SLC7A1: variants seen among roughly 807,000 people sequenced by gnomAD.
SLC7A1 encodes the protein solute carrier family 7 member 1.
A neutral mutation model predicts 53.9 loss-of-function variants in SLC7A1; 10 were observed. The observed-to-expected ratio is 0.19, with a 90% CI of 0.11 to 0.31. The LOEUF is 0.31. Ranked by LOEUF, SLC7A1 falls within the 10% of genes least tolerant of loss-of-function variation. The pLI, the probability that SLC7A1 is intolerant of heterozygous loss-of-function variation, is 1.00. For synonymous variants in SLC7A1, 342 were observed against 338.7 expected (o/e 1.01, Z -0.11); for missense variants, 525 against 827.2 (o/e 0.63, Z 4.48).
intron 2 of SLC7A1, among the ~76,000 whole-genome samples, chr13:29,552,027 A>C (rs1238693176): frequency 6.6e-6 from 1 of 152,166 alleles, no homozygotes; most frequent in Non-Finnish European, 1.5e-5. Flanking sequence ...AGGCTGCTCA[A>C]AGTTGCTTAC....
At chr13:29,563,069 C>T (rs1870827665) in intron 1 of SLC7A1, among the ~76,000 whole-genome samples, 1 of 152,180 alleles carries the variant, frequency 6.6e-6, no homozygotes, top group South Asian at 2.1e-4. Flanking sequence ...ATGATGGCTC[C>T]AAAAGGGGCA....
intron 8 of SLC7A1, 143 bp downstream of exon 8, chr13:29,522,174 G>GA (rs1868657228): frequency 3.4e-6 from 3 of 869,944 alleles, no homozygotes; most frequent in African/African-American, 1.7e-5. Context: ...AACTTTCAAT[G>GA]AACCAGGCTC....
At chr13:29,527,620 T>C (rs1008733906) in intron 5 of SLC7A1, among the ~76,000 whole-genome samples, 4 of 152,050 alleles carry the variant, frequency 2.6e-5, no homozygotes, top group Non-Finnish European at 4.4e-5. Context: ...AAAGTGAGCT[T>C]GAGTCCTGGT....
intron 5 of SLC7A1, among the ~76,000 whole-genome samples, chr13:29,529,523 G>GAGCTGGGTCATGCTCGTGCCTACAGCC (rs1301338041): frequency 5.3e-5 from 8 of 152,336 alleles, no homozygotes; most frequent in African/African-American, 1.9e-4. Context: ...CCTTCTGGAA[G>GAGCTGGGTCATGCTCGTGCCTACAGCC]AGCTGGGTCA....
chr13:29,529,386 A>T (rs1869046643), intron 5 of SLC7A1, among the ~76,000 whole-genome samples: 1 of 152,174 alleles, frequency 6.6e-6, no homozygotes. Context: ...TCCCAATGTG[A>T]GATAGTGCTT....
chr13:29,525,548 C>G (rs1353558986), intron 5 of SLC7A1, among the ~76,000 whole-genome samples: 2 of 152,194 alleles, frequency 1.3e-5, no homozygotes, highest in Non-Finnish European at 2.9e-5. Flanking sequence ...GCTGATAAAA[C>G]AGACAGACAG....
At chr13:29,514,656 GGGCGGTCCCACAGCAAACCCTCTCA>G in intron 12 of SLC7A1, 73 bp from the exon 13 acceptor site, 1 of 1,190,070 alleles carries the variant, frequency 8.4e-7, no homozygotes, top group Non-Finnish European at 1.2e-6. Flanking sequence ...TCAGAGCCCA[GGGCGGTCCCACAGCAAACCCTCTCA>G]GGCGGCCTGC....
In SLC7A1 at chr13:29,568,752, A is replaced by C. The variant is rs550311024; in HGVS notation, c.-114-14892T>G. Among the ~76,000 whole-genome samples the C allele has an allele frequency of 1.3e-4, 20 of 152,358 alleles. No individual in the cohort carries two copies. In the South Asian group the frequency reaches 3.9e-3, roughly 30 times the overall value. Reference sequence around the variant, plus strand: ...AAAGAAGAAAAAGGAGATGATGATCATGAGACTGAGACCTTGTGTGGCCGC... The same window carrying C: ...AAAGAAGAAAAAGGAGATGATGATCCTGAGACTGAGACCTTGTGTGGCCGC... On this transcript the variant is annotated intron_variant, in intron 1 of 12. Transcript: ENST00000380752.
chr13:29,582,649 G>A (rs1185272169), intron 1 of SLC7A1, among the ~76,000 whole-genome samples: 1 of 152,138 alleles, frequency 6.6e-6, no homozygotes, highest in Non-Finnish European at 1.5e-5. Context: ...CCTGAGAGCT[G>A]GTTAGAAATG....
chr13:29,573,122 A>C (rs1229939918), intron 1 of SLC7A1, among the ~76,000 whole-genome samples: 2 of 152,368 alleles, frequency 1.3e-5, no homozygotes, highest in Middle Eastern at 3.4e-3. Flanking sequence ...TTTAAACTGA[A>C]GGTCACTCAG....
chr13:29,524,390 A>T, intron 5 of SLC7A1, 137 bp from the exon 6 acceptor site: 1 of 1,107,138 alleles, frequency 9.0e-7, no homozygotes, highest in South Asian at 1.6e-5. Flanking sequence ...TGGGCTTCAG[A>T]CGCTGAGTCC....
intron 7 of SLC7A1, among the ~76,000 whole-genome samples, chr13:29,522,931 A>G (rs536920071): frequency 6.6e-5 from 10 of 152,322 alleles, no homozygotes; most frequent in African/African-American, 2.4e-4. Flanking sequence ...TAGCTTCTGC[A>G]TGACAGCTAA....
intron 1 of SLC7A1, among the ~76,000 whole-genome samples, chr13:29,574,759 C>T (rs969910853): frequency 6.6e-6 from 1 of 151,748 alleles, no homozygotes; most frequent in Admixed American, 6.6e-5. Flanking sequence ...ATTCCCCTGC[C>T]TCAGCCTCCC....
rs768854423 is a variant in SLC7A1, at chr13:29,579,176, T to C, written c.-115+16240A>G. Reference sequence around the variant, plus strand: ...TATTTTGATGTGTATGGCTCACTAATCCTTTTGAAAAATAACTTCTCTCAG... The same window carrying C: ...TATTTTGATGTGTATGGCTCACTAACCCTTTTGAAAAATAACTTCTCTCAG... On this transcript the variant is annotated intron_variant, in intron 1 of 12. Coordinates refer to ENST00000380752, the MANE Select transcript of SLC7A1 (RefSeq NM_003045.5). 2.6e-5 allele frequency among the ~76,000 whole-genome samples: 4 copies of C among 152,162 alleles called. No homozygotes were observed. The South Asian group carries it at 8.3e-4, about 32-fold the overall frequency.
Position 29,517,322 on chromosome 13 carries a change from G to C in SLC7A1, c.1511-12C>G. On this transcript the variant is annotated splice_polypyrimidine_tract_variant and intron_variant, in intron 10 of 12. Coordinates refer to ENST00000380752, the MANE Select transcript of SLC7A1 (RefSeq NM_003045.5). ...GATGATGAGAACAGCTAAGGGGGAA[G>C]GAAAAGACAGCAAGCTGCAACTCAA... is the stretch of plus-strand genomic sequence containing the variant. 6.3e-7 allele frequency: 1 copy of C among 1,598,548 alleles called. No individual in the cohort carries two copies.
Position 29,522,405 on chromosome 13 carries a change from C to T in SLC7A1, c.1101G>A (p.Glu367=). 1 of 1,614,128 alleles carries T rather than the reference C, an allele frequency of 6.2e-7. No individual in the cohort carries two copies. Among genetic ancestry groups the T allele is most frequent in the Non-Finnish European group, 8.5e-7 (1 of 1,179,998 alleles). Reference sequence around the variant, plus strand: ...CTAAGAATTTAAATAGCAGTCCATCCTCAGCCATGGCATAGATAACCCGAG... The same window carrying T: ...CTAAGAATTTAAATAGCAGTCCATCTTCAGCCATGGCATAGATAACCCGAG... ...PMPRVIYAMA[E]DGLLFKFLAN... is the part of the protein sequence containing the mutation. Residue 367 remains glutamate (E), a synonymous_variant, in exon 8 of 13, where the codon GAG becomes GAA. Coordinates refer to ENST00000380752, the MANE Select transcript of SLC7A1 (RefSeq NM_003045.5).
At chr13:29,591,024 C>T (rs74461166) in intron 1 of SLC7A1, among the ~76,000 whole-genome samples, 3,642 of 152,138 alleles carry the variant, frequency 0.024, 61 homozygotes, top group Non-Finnish European at 0.037. Flanking sequence ...GTGGGAGGAT[C>T]GCTTGATCCC....
intron 2 of SLC7A1, among the ~76,000 whole-genome samples, chr13:29,537,344 T>C (rs1439018191): frequency 1.3e-5 from 2 of 152,188 alleles, no homozygotes; most frequent in African/African-American, 2.4e-5. Context: ...AGGCTAACCA[T>C]GGGAAAACCA....
At chr13:29,537,125 A>G (rs1307970052) in intron 2 of SLC7A1, among the ~76,000 whole-genome samples, 1 of 152,234 alleles carries the variant, frequency 6.6e-6, no homozygotes, top group Non-Finnish European at 1.5e-5. Context: ...TTTGCTCCCC[A>G]CATCTGAAGG....
Sources: gnomAD v4.1 joint callset for allele counts (sites outside exome capture counted in the v4.1 genomes callset) on GRCh38, gnomAD v4.1.1 for gene constraint, MANE v1.5 for transcripts, NCBI Gene and HGNC (gene_info 2026-07-23, HGNC 2026-07-21) for gene names.